The following PARD3 variants were observed in gnomAD, a reference collection of about 807,000 sequenced individuals.
PARD3 encodes partitioning defective 3 homolog.
Under a neutral mutation model 155.4 loss-of-function variants are expected in PARD3, and 75 were observed. That is an observed-to-expected ratio of 0.48 (90% CI 0.40 to 0.58). PARD3 has a LOEUF of 0.58. PARD3 is among the 20% of genes least tolerant of loss of function. The pLI is 0.00. For missense variants in PARD3, 1,642 were observed against 1,721.7 expected (o/e 0.95, Z 0.82); for synonymous variants, 576 against 610.5 (o/e 0.94, Z 0.83).
chr10:34,432,021 T>A (rs1287765390), intron 5 of PARD3, among the ~76,000 whole-genome samples: 1 of 95,808 alleles, frequency 1.0e-5, no homozygotes, highest in Non-Finnish European at 1.8e-5. Context: ...TAGCCTGGGC[T>A]ACAGAGTGAG....
At chr10:34,648,819 AG>A (rs1479551022) in intron 2 of PARD3, among the ~76,000 whole-genome samples, 3 of 152,170 alleles carry the variant, frequency 2.0e-5, no homozygotes, top group Non-Finnish European at 4.4e-5. Context: ...TTTTTAAGGA[AG>A]CCCAGCAATC....
intron 22 of PARD3, among the ~76,000 whole-genome samples, chr10:34,235,565 T>C (rs1953177825): frequency 6.6e-6 from 1 of 152,190 alleles, no homozygotes; most frequent in South Asian, 2.1e-4. Flanking sequence ...TCTATGTGTT[T>C]ATAAAACGCC....
intron 12 of PARD3, among the ~76,000 whole-genome samples, chr10:34,360,738 A>G (rs547329911): frequency 9.3e-4 from 142 of 152,344 alleles, no homozygotes; most frequent in African/African-American, 3.0e-3. Flanking sequence ...TGATCATACA[A>G]AATCAGCAGA....
chr10:34,236,331 C>CTT (rs1035923176), intron 22 of PARD3, among the ~76,000 whole-genome samples: 42 of 152,228 alleles, frequency 2.8e-4, no homozygotes, highest in African/African-American at 9.9e-4. Context: ...ATTTCCCACT[C>CTT]TTATTCCATT....
chr10:34,180,583 T>A (rs1950226116), intron 22 of PARD3, among the ~76,000 whole-genome samples: 1 of 152,196 alleles, frequency 6.6e-6, no homozygotes, highest in Non-Finnish European at 1.5e-5. Context: ...TTAAACCATT[T>A]CATTTGACTC....
Position 34,627,535 on chromosome 10 carries a change from A to G in PARD3, c.222+68783T>C, listed in dbSNP as rs578053338. Among the ~76,000 whole-genome samples, 3 of 152,320 alleles carry G rather than the reference A, an allele frequency of 2.0e-5. No individual in the cohort carries two copies. In the East Asian group the frequency reaches 5.8e-4, roughly 29 times the overall value. On this transcript the variant is annotated intron_variant, in intron 2 of 24. Coordinates refer to ENST00000374788, the MANE Select transcript of PARD3 (RefSeq NM_001184785.2). ...GGGAAGTGTGAACACAGAGGCAGAC[A>G]AGACGCAAAGGGAAGATGCTGTGCA...
intron 2 of PARD3, among the ~76,000 whole-genome samples, chr10:34,596,330 G>A (rs1391036912): frequency 6.6e-6 from 1 of 151,796 alleles, no homozygotes; most frequent in African/African-American, 2.4e-5. Flanking sequence ...TAAAGCCCTT[G>A]TATTAGTCTG....
At chr10:34,803,446 C>T (rs901737673) in intron 1 of PARD3, among the ~76,000 whole-genome samples, 1 of 152,082 alleles carries the variant, frequency 6.6e-6, no homozygotes, top group Non-Finnish European at 1.5e-5. Flanking sequence ...TTTTTGCAAA[C>T]ATCTGTGTGA....
Position 34,802,722 on chromosome 10 carries a change from G to T in PARD3, c.120+12154C>A, listed in dbSNP as rs541662840. On this transcript the variant is annotated intron_variant, in intron 1 of 24. Transcript: ENST00000374788. ...TTTAAGAGAGACAGTTTTGCCACAT[G>T]ATTTCCCACATGTGGTGAAGTTCTA... Among the ~76,000 whole-genome samples the T allele has an allele frequency of 3.9e-5, 6 of 152,206 alleles. No individual in the cohort carries two copies. In the South Asian group the frequency reaches 1.2e-3, roughly 32 times the overall value.
At chr10:34,308,491 A>G (rs559026827) in intron 20 of PARD3, among the ~76,000 whole-genome samples, 10 of 152,318 alleles carry the variant, frequency 6.6e-5, no homozygotes, top group Admixed American at 4.6e-4. Context: ...GTGGGGCATA[A>G]GGGAAAATCA....
intron 14 of PARD3, among the ~76,000 whole-genome samples, chr10:34,357,802 G>A (rs1371520834): frequency 2.0e-5 from 3 of 151,974 alleles, no homozygotes; most frequent in Admixed American, 1.3e-4. Flanking sequence ...TTCTACATTT[G>A]GCAAATAAAA....
At chr10:34,688,866 TTAA>T (rs1453784998) in intron 2 of PARD3, among the ~76,000 whole-genome samples, 2 of 152,220 alleles carry the variant, frequency 1.3e-5, no homozygotes, top group Non-Finnish European at 2.9e-5. Flanking sequence ...AAATAAGTTT[TTAA>T]TAATGTTACA....
chr10:34,373,103 T>A (rs1840862039), intron 11 of PARD3, among the ~76,000 whole-genome samples: 4 of 152,114 alleles, frequency 2.6e-5, no homozygotes, highest in African/African-American at 7.2e-5. Context: ...ACACAGAATT[T>A]AAACACAGAC....
At chr10:34,137,376 A>G (rs1190329272) in intron 22 of PARD3, among the ~76,000 whole-genome samples, 1 of 152,064 alleles carries the variant, frequency 6.6e-6, no homozygotes, top group Non-Finnish European at 1.5e-5. Flanking sequence ...GGAAGCTGAT[A>G]TTTCCCTAGT....
intron 22 of PARD3, among the ~76,000 whole-genome samples, chr10:34,183,890 C>T (rs1165459422): frequency 1.3e-5 from 2 of 152,218 alleles, no homozygotes; most frequent in African/African-American, 4.8e-5. Context: ...AAACCAAGAA[C>T]CCTGGGGTTC....
At chr10:34,485,224 G>A (rs1467820028) in intron 3 of PARD3, among the ~76,000 whole-genome samples, 1 of 152,096 alleles carries the variant, frequency 6.6e-6, no homozygotes, top group Non-Finnish European at 1.5e-5. Context: ...TGTAACGCCA[G>A]CTACTCGGGA....
At chr10:34,250,630 C>A (rs1203506400) in intron 22 of PARD3, among the ~76,000 whole-genome samples, 2 of 150,670 alleles carry the variant, frequency 1.3e-5, no homozygotes, top group African/African-American at 4.9e-5. Flanking sequence ...AAAAGTAAGC[C>A]CCTTTTCAGA....
chr10:34,753,249 C>CAAATG (rs1166438146), intron 1 of PARD3, among the ~76,000 whole-genome samples: 1 of 152,188 alleles, frequency 6.6e-6, no homozygotes, highest in African/African-American at 2.4e-5. Flanking sequence ...CTTGGACTGA[C>CAAATG]AAATGGAAAA....
At chr10:34,128,768 T>C (rs531774220) in intron 23 of PARD3, among the ~76,000 whole-genome samples, 13 of 152,312 alleles carry the variant, frequency 8.5e-5, no homozygotes, top group Non-Finnish European at 1.6e-4. Flanking sequence ...TAGAGTAATA[T>C]ATTGTGAGTA....
Sources: allele counts gnomAD v4.1 joint callset (sites outside exome capture counted in the v4.1 genomes callset), GRCh38; gene constraint gnomAD v4.1.1; transcripts MANE v1.5; gene names NCBI Gene and HGNC (gene_info 2026-07-23, HGNC 2026-07-21).